PACRGL: variants seen among roughly 807,000 people sequenced by gnomAD.
The protein encoded by PACRGL is parkin coregulated like, also known as PACRG-like protein.
Under a neutral mutation model 34.5 loss-of-function variants are expected in PACRGL, and 38 were observed. The ratio of observed to expected loss-of-function variants is 1.10; its 90% confidence interval spans 0.85 to 1.44. The LOEUF (loss-of-function observed/expected upper bound fraction) is 1.44. PACRGL is among the 40% of genes most tolerant of loss of function. The pLI, the probability that PACRGL is intolerant of heterozygous loss-of-function variation, is 0.00. For synonymous variants in PACRGL, 128 were observed against 100.1 expected (o/e 1.28, Z -1.66); for missense variants, 305 against 281.4 (o/e 1.08, Z -0.60).
Position 20,729,585 on chromosome 4 carries a change from G to GTAATCTTGTTT in PACRGL, c.*2245_*2255dup, listed in dbSNP as rs1553881738. 9.7e-5 allele frequency: 12 copies of GTAATCTTGTTT among 123,754 alleles called. No individual in the cohort carries two copies. The highest frequency in any genetic ancestry group is 2.0e-4 in the African/African-American group (6 of 29,330). The allele number at this position is 123,754 out of a possible 1,614,324, so 7.7% of individuals were successfully genotyped here. ...GGAACTATGTGTTTTTTTAATTGTT[G>GTAATCTTGTTT]TAATCTTGTTTCCTTAAAGTATATA... On this transcript the variant is annotated 3_prime_UTR_variant, in exon 9 of 9. Coordinates refer to ENST00000503585, the MANE Select transcript of PACRGL (RefSeq NM_001258345.3).
Position 20,731,335 on chromosome 4 carries a change from T to A in PACRGL, c.*3994T>A, listed in dbSNP as rs1748146414. 1.1e-6 allele frequency: 1 copy of A among 929,136 alleles called. No individual in the cohort carries two copies. The highest frequency in any genetic ancestry group is 1.3e-6 in the Non-Finnish European group (1 of 778,498). 57.6% of individuals were successfully genotyped at this position (929,136 alleles called of 1,614,324 possible). On this transcript the variant is annotated 3_prime_UTR_variant, in exon 9 of 9. Transcript: ENST00000503585. ...GTTATCTTCCCGCCTCAGCCTCCCATAGTGCTGGGATTACAGTTGTGAGCT... is the reference window on the plus strand; with the variant it reads ...GTTATCTTCCCGCCTCAGCCTCCCAAAGTGCTGGGATTACAGTTGTGAGCT...
At chr4:20,760,662 ACTGGAGGTGCT>A in the PACRGL span, among the ~76,000 whole-genome samples, 1 of 152,168 alleles carries the variant, frequency 6.6e-6, no homozygotes, top group African/African-American at 2.4e-5. Context: ...CAGAGGCAGA[ACTGGAGGTGCT>A]GAGTGGCAAA....
chr4:20,761,854 C>T, the PACRGL span, among the ~76,000 whole-genome samples: 2 of 152,168 alleles, frequency 1.3e-5, no homozygotes, highest in Non-Finnish European at 2.9e-5. Flanking sequence ...GAAAGTCTCA[C>T]CAGATAAATT....
chr4:20,714,216 CTCT>C (rs1738676399), intron 7 of PACRGL, among the ~76,000 whole-genome samples: 1 of 152,136 alleles, frequency 6.6e-6, no homozygotes, highest in Non-Finnish European at 1.5e-5. Context: ...GGATAGTTAG[CTCT>C]TCTTGTTGAA....
intron 5 of PACRGL, among the ~76,000 whole-genome samples, chr4:20,710,791 C>T (rs577082241): frequency 6.7e-6 from 1 of 149,244 alleles, no homozygotes; most frequent in Admixed American, 6.8e-5. Flanking sequence ...TAACCAGTTA[C>T]TAGCAAAAAC....
rs1407273809 is a variant in PACRGL at position 20,728,987 on chromosome 4, A to AT, written c.*1650dup. 1.3e-5 allele frequency: 2 copies of AT among 152,206 alleles called. No homozygotes were observed. The highest frequency in any genetic ancestry group is 2.9e-5 in the Non-Finnish European group (2 of 68,026). The allele number at this position is 152,206 out of a possible 1,614,324, so 9.4% of individuals were successfully genotyped here. ...AATCTGGATTAGTTGTTGAGCACTT[A>AT]TTTTCTACTAAATCTTGGTAGTAGT... On this transcript the variant is annotated 3_prime_UTR_variant, in exon 9 of 9. Coordinates refer to ENST00000503585, the MANE Select transcript of PACRGL (RefSeq NM_001258345.3).
chr4:20,744,239 C>T (rs1751887328), intron 8 of PACRGL, among the ~76,000 whole-genome samples: 1 of 152,186 alleles, frequency 6.6e-6, no homozygotes. Flanking sequence ...TACCATTTGA[C>T]CCAGCAATCC....
In PACRGL at chr4:20,742,897, T is replaced by C. The variant is rs540129347; in HGVS notation, c.*57-9668T>C. 7.6e-4 allele frequency among the ~76,000 whole-genome samples: 115 copies of C among 152,164 alleles called. 2 individuals are homozygous for C. Among genetic ancestry groups the C allele is most frequent in the African/African-American group, 2.5e-3 (103 of 41,520 alleles). On this transcript the variant is annotated intron_variant, in intron 8 of 8. Transcript: ENST00000507634. ...GGGTACAAAAATCAATGTGCAAAAA[T>C]CACAGGCATTCCTATACACCAATAA...
At chr4:20,723,630 A>T (rs1463418257) in intron 7 of PACRGL, among the ~76,000 whole-genome samples, 3 of 152,212 alleles carry the variant, frequency 2.0e-5, no homozygotes, top group Non-Finnish European at 4.4e-5. Context: ...AGAAAAGACC[A>T]GATTAACAGT....
At chr4:20,756,054 T>A (rs1426490990), downstream of PACRGL, among the ~76,000 whole-genome samples, 1 of 152,112 alleles carries the variant, frequency 6.6e-6, no homozygotes, top group Non-Finnish European at 1.5e-5. Context: ...TCACTCTGAC[T>A]CATTTTAAGA....
intron 3 of PACRGL, among the ~76,000 whole-genome samples, chr4:20,705,627 CT>C (rs1456975600): frequency 1.3e-5 from 2 of 152,092 alleles, no homozygotes; most frequent in Middle Eastern, 3.2e-3. Flanking sequence ...GTTGCTCTCA[CT>C]TCCTTTGCTT....
chr4:20,714,016 G>T (rs527319227), intron 7 of PACRGL, among the ~76,000 whole-genome samples: 2,543 of 152,178 alleles, frequency 0.017, 63 homozygotes, highest in African/African-American at 0.059. Flanking sequence ...TATTAGGTCT[G>T]CTTGGTGCAG....
chr4:20,765,152 G>A, the PACRGL span, among the ~76,000 whole-genome samples: 2 of 152,158 alleles, frequency 1.3e-5, no homozygotes, highest in Non-Finnish European at 2.9e-5. Context: ...TGGAGATACA[G>A]GAATGAGTTT....
downstream of PACRGL, among the ~76,000 whole-genome samples, chr4:20,735,455 G>A (rs1030142984): frequency 2.0e-5 from 3 of 150,830 alleles, no homozygotes; most frequent in Admixed American, 1.3e-4. Context: ...GGAGCCCTCA[G>A]TTTGTATCCT....
intron 1 of PACRGL, among the ~76,000 whole-genome samples, chr4:20,703,020 C>T (rs977429844): frequency 2.0e-5 from 3 of 152,156 alleles, no homozygotes; most frequent in African/African-American, 4.8e-5. Context: ...TTTGAGATAT[C>T]TGGCTAAATT....
chr4:20,705,740 T>C (rs1734211986), intron 3 of PACRGL, among the ~76,000 whole-genome samples: 1 of 151,880 alleles, frequency 6.6e-6, no homozygotes, highest in Non-Finnish European at 1.5e-5. Flanking sequence ...GTCCTAAGTT[T>C]TAGTAAAAAT....
At chr4:20,712,263 T>C (rs559045604) in intron 5 of PACRGL, among the ~76,000 whole-genome samples, 1 of 151,930 alleles carries the variant, frequency 6.6e-6, no homozygotes, top group Non-Finnish European at 1.5e-5. Context: ...TTATTTTTTT[T>C]TTCTTCTCCC....
At chr4:20,713,026 C>G in intron 6 of PACRGL, 104 bp downstream of exon 6, 1 of 1,194,112 alleles carries the variant, frequency 8.4e-7, no homozygotes. Context: ...ATATTATATG[C>G]AAAGTAGTCC....
At chr4:20,752,990 G>A (rs1176325802), downstream of PACRGL, 4 of 152,100 alleles carry the variant, frequency 2.6e-5, no homozygotes, top group South Asian at 2.1e-4. Flanking sequence ...TGACCTCTTC[G>A]TGATCACATT....
Sources: gnomAD v4.1 joint callset for allele counts (sites outside exome capture counted in the v4.1 genomes callset) on GRCh38, gnomAD v4.1.1 for gene constraint, MANE v1.5 for transcripts, NCBI Gene and HGNC (gene_info 2026-07-23, HGNC 2026-07-21) for gene names.